The following MAFF variants were observed in gnomAD, a reference collection of about 807,000 sequenced individuals.
MAFF encodes the protein MAF bZIP transcription factor F.
MAFF carries 4 observed loss-of-function variants against 2.7 expected under a neutral mutation model. The ratio of observed to expected loss-of-function variants is 1.48; its 90% CI spans 0.73 to 3.39. The LOEUF (loss-of-function observed/expected upper bound fraction) is 3.39, where lower values mean the gene tolerates loss of function less well. Among genes scored for constraint, MAFF ranks in the 30% most tolerant of loss-of-function variants. The probability of loss-of-function intolerance (pLI) is 0.01; values close to 1 mark genes in which losing one functional copy is unlikely to be tolerated. For missense variants in MAFF, 190 were observed against 246.6 expected, an observed-to-expected ratio of 0.77 and a Z score of 1.54; for synonymous variants, 113 against 119.4, an observed-to-expected ratio of 0.95 and a Z score of 0.35.
chr22:38,206,817 A>G (rs2146012950), intron 1 of MAFF, among the ~76,000 whole-genome samples: 1 of 152,280 alleles, frequency 6.6e-6, no homozygotes, highest in East Asian at 1.9e-4. Context: ...TTGCGTGGGG[A>G]GAGGCTTCCC....
rs2091149425 is a variant in MAFF, at chr22:38,216,269, G to A, written c.*1391G>A. 6.4e-6 allele frequency: 1 copy of A among 155,096 alleles called. No individual in the cohort carries two copies. The highest frequency in any genetic ancestry group is 1.5e-5 in the Non-Finnish European group (1 of 68,076). The allele number at this position is 155,096 out of a possible 1,614,324, so 9.6% of individuals were successfully genotyped here. A position where few individuals can be genotyped will look rare whatever the true frequency, so the allele number is the denominator to read the frequency against. ...TCATGCCTGTAGTCCCAGCTACTTG[G>A]GAGGCTGAGGCAGGAGGATCACTTA... On this transcript the variant is annotated 3_prime_UTR_variant, in exon 3 of 3. Coordinates refer to ENST00000338483, the MANE Select transcript of MAFF (RefSeq NM_012323.4).
At chr22:38,208,863 G>GGAGCCCAT (rs2091074030) in intron 1 of MAFF, among the ~76,000 whole-genome samples, 1 of 152,174 alleles carries the variant, frequency 6.6e-6, no homozygotes, top group Non-Finnish European at 1.5e-5. Flanking sequence ...TCATGGGGTG[G>GGAGCCCAT]GAGGTGGCTC....
intron 1 of MAFF, among the ~76,000 whole-genome samples, chr22:38,210,003 G>C (rs1035411562): frequency 3.3e-5 from 5 of 152,140 alleles, no homozygotes; most frequent in African/African-American, 1.2e-4. Flanking sequence ...GGCAGCCAGG[G>C]CCTGAGCCCC....
intron 1 of MAFF, among the ~76,000 whole-genome samples, chr22:38,210,663 C>CGTGTGTGTGTGTGTGTGTGTGTGTGT (rs1373349618): frequency 2.6e-5 from 1 of 38,038 alleles, no homozygotes; most frequent in Non-Finnish European, 5.9e-5. Context: ...TGTGTGTGTC[C>CGTGTGTGTGTGTGTGTGTGTGTGTGT]GTGTGTGTAT....
Position 38,216,280 on chromosome 22 carries a change from C to G in MAFF, c.*1402C>G, listed in dbSNP as rs2091149495. ...GTCCCAGCTACTTGGGAGGCTGAGGCAGGAGGATCACTTAAGCCCAGAAGG... is the reference window on the plus strand; with the variant it reads ...GTCCCAGCTACTTGGGAGGCTGAGGGAGGAGGATCACTTAAGCCCAGAAGG... On this transcript the variant is annotated 3_prime_UTR_variant, in exon 3 of 3. Transcript: ENST00000338483. 1 of 155,658 alleles carries G rather than the reference C, an allele frequency of 6.4e-6. No homozygotes were observed. Among genetic ancestry groups the G allele is most frequent in the Admixed American group, 6.6e-5 (1 of 15,254 alleles). The allele number at this position is 155,658 out of a possible 1,614,324, so 9.6% of individuals were successfully genotyped here. A position where few individuals can be genotyped will look rare whatever the true frequency, so the allele number is the denominator to read the frequency against.
chr22:38,215,238 C>T lies in MAFF; in HGVS notation c.*360C>T, dbSNP rs915206174. 4.5e-6 allele frequency: 1 copy of T among 221,316 alleles called. No individual in the cohort carries two copies. Among genetic ancestry groups the T allele is most frequent in the African/African-American group, 2.3e-5 (1 of 42,590 alleles). The allele number at this position is 221,316 out of a possible 1,614,324, so 13.7% of individuals were successfully genotyped here. A position where few individuals can be genotyped will look rare whatever the true frequency, so the allele number is the denominator to read the frequency against. ...ACTGCTCTTATTGTGCCAATATGCC[C>T]TCCAAACCCTCCCAGGATTCAAAGC... On this transcript the variant is annotated 3_prime_UTR_variant, in exon 3 of 3. Transcript: ENST00000338483.
rs771500797 is a variant in MAFF at position 38,214,662 on chromosome 22, G to A, written c.279G>A (p.Leu93=). The A allele has an allele frequency of 4.5e-6, 7 of 1,553,626 alleles. No homozygotes were observed. In the African/African-American group the frequency reaches 8.2e-5, roughly 18 times the overall value. ...KSELEREVDK[L]ARENAAMRLE... Reference sequence around the variant, plus strand: ...AGCTGGAGCGCGAGGTGGACAAGCTGGCGCGCGAGAACGCCGCCATGCGCC... The same window carrying A: ...AGCTGGAGCGCGAGGTGGACAAGCTAGCGCGCGAGAACGCCGCCATGCGCC... The change falls in exon 3 of 3, where the codon CTG becomes CTA. Residue 93 remains leucine, a synonymous_variant. Coordinates refer to ENST00000338483, the MANE Select transcript of MAFF (RefSeq NM_012323.4). The surrounding 1 kb of genome is among the most constrained non-coding windows in gnomAD (Gnocchi z 6.3).
At chr22:38,206,126 CTGATGGT>C (rs2091049568) in intron 1 of MAFF, among the ~76,000 whole-genome samples, 3 of 152,186 alleles carry the variant, frequency 2.0e-5, no homozygotes, top group Non-Finnish European at 4.4e-5. Flanking sequence ...TAGGGAATGG[CTGATGGT>C]TCCATCTCTC....
rs887262043 is a variant in MAFF, at chr22:38,215,605, GAGA to G, written c.*730_*732del. The G allele has an allele frequency of 6.0e-6, 1 of 167,504 alleles. No homozygotes were observed. The highest frequency in any genetic ancestry group is 1.5e-5 in the Non-Finnish European group (1 of 68,400). 10.4% of individuals were successfully genotyped at this position (167,504 alleles called of 1,614,324 possible). A position where few individuals can be genotyped will look rare whatever the true frequency, so the allele number is the denominator to read the frequency against. The stretch of plus-strand genomic sequence containing the variant: ...GGAGGGGGAGAGAAGCAGAGGGAGA[GAGA>G]AGGTGACACGGATGGAAGAGTGGGA... On this transcript the variant is annotated 3_prime_UTR_variant, in exon 3 of 3. Transcript: ENST00000338483.
In MAFF at chr22:38,202,039, T is replaced by G. The variant is rs1274277420; in HGVS notation, c.-205T>G. 1 of 152,372 alleles carries G rather than the reference T, an allele frequency of 6.6e-6. No homozygotes were observed. The highest frequency in any genetic ancestry group is 1.5e-5 in the Non-Finnish European group (1 of 68,170). The allele number at this position is 152,372 out of a possible 1,614,324, so 9.4% of individuals were successfully genotyped here. A position where few individuals can be genotyped will look rare whatever the true frequency, so the allele number is the denominator to read the frequency against. On this transcript the variant is annotated 5_prime_UTR_variant, in exon 1 of 3. Coordinates refer to ENST00000338483, the MANE Select transcript of MAFF (RefSeq NM_012323.4). This position sits in a 1 kb window ranked among gnomAD's most constrained non-coding sequence, Gnocchi z 7.4. ...ACAACTCCGCGCGGCCTCGGCCCCCTGCGCCGCCCGCCCCACAACAAAACT... is the reference window on the plus strand; with the variant it reads ...ACAACTCCGCGCGGCCTCGGCCCCCGGCGCCGCCCGCCCCACAACAAAACT...
intron 1 of MAFF, among the ~76,000 whole-genome samples, chr22:38,204,494 T>C (rs776485460): frequency 9.9e-5 from 15 of 152,150 alleles, no homozygotes; most frequent in Non-Finnish European, 1.8e-4. Flanking sequence ...TAGGTGCTTC[T>C]TGGATGTTTG....
chr22:38,213,894 G>A lies in MAFF; in HGVS notation c.36+5G>A, dbSNP rs111261499. 382 of 1,614,192 alleles carry A rather than the reference G, an allele frequency of 2.4e-4. 1 individual carries two copies. In the African/African-American group the frequency reaches 4.0e-3, roughly 17 times the overall value. On this transcript the variant is annotated splice_donor_5th_base_variant and intron_variant, in intron 2 of 2. Coordinates refer to ENST00000338483, the MANE Select transcript of MAFF (RefSeq NM_012323.4). ...CTATCCAGCAAAGCTCTAAAGGTGA[G>A]GAGGCAGCCTCTGTCAACCCAGTGA... is the stretch of plus-strand genomic sequence containing the variant.
intron 1 of MAFF, among the ~76,000 whole-genome samples, chr22:38,210,635 T>TG (rs1320727035): frequency 1.3e-5 from 2 of 150,444 alleles, no homozygotes; most frequent in Non-Finnish European, 3.0e-5. Context: ...TGTGTGTGTG[T>TG]GTGTGTGTGT....
rs1038668375 is a variant in MAFF, at chr22:38,214,363, G to A, written c.37-57G>A. ...AGGCGGTGAAAGAGGAACACCGCGG[G>A]TGGAGCGGGGGGGCCCGTCCCCAGT... On this transcript the variant is annotated intron_variant, in intron 2 of 2. Coordinates refer to ENST00000338483, the MANE Select transcript of MAFF (RefSeq NM_012323.4). The surrounding 1 kb of genome is among the most constrained non-coding windows in gnomAD (Gnocchi z 6.3). 1,036 of 1,470,578 alleles carry A rather than the reference G, an allele frequency of 7.0e-4. 7 individuals are homozygous for A. The highest frequency in any genetic ancestry group is 7.3e-4 in the Non-Finnish European group (801 of 1,103,356). 91.1% of individuals were successfully genotyped at this position (1,470,578 alleles called of 1,614,324 possible). A position where few individuals can be genotyped will look rare whatever the true frequency, so the allele number is the denominator to read the frequency against.
chr22:38,208,924 G>A (rs1165084294), intron 1 of MAFF, among the ~76,000 whole-genome samples: 1 of 152,096 alleles, frequency 6.6e-6, no homozygotes, highest in Admixed American at 6.6e-5. Flanking sequence ...CTGTGTGGCT[G>A]GAGCACAGAG....
chr22:38,214,974 T>C lies in MAFF; in HGVS notation c.*96T>C. On this transcript the variant is annotated 3_prime_UTR_variant, in exon 3 of 3. Transcript: ENST00000338483. The surrounding 1 kb of genome is among the most constrained non-coding windows in gnomAD (Gnocchi z 6.3). The stretch of plus-strand genomic sequence containing the variant: ...CCTCTGTGCCCAGGTCCCATTTCTC[T>C]GCAGCACTGGCCCCTTGGTGCACAC... The C allele has an allele frequency of 1.1e-6, 1 of 909,262 alleles. No homozygotes were observed. Among genetic ancestry groups the C allele is most frequent in the Non-Finnish European group, 1.7e-6 (1 of 580,178 alleles). The allele number at this position is 909,262 out of a possible 1,614,324, so 56.3% of individuals were successfully genotyped here.
rs1237312907 is a variant in MAFF, at chr22:38,214,890, G to A, written c.*12G>A. 5 of 1,462,610 alleles carry A rather than the reference G, an allele frequency of 3.4e-6. No individual in the cohort carries two copies. The highest frequency in any genetic ancestry group is 3.0e-5 in the African/African-American group (2 of 67,356). The allele number at this position is 1,462,610 out of a possible 1,614,324, so 90.6% of individuals were successfully genotyped here. ...CCTCCTGCTCCTAGTGCCCGCCCCC[G>A]CCATGCCTCAGCCACGCCCCTCCGG... On this transcript the variant is annotated 3_prime_UTR_variant, in exon 3 of 3. Coordinates refer to ENST00000338483, the MANE Select transcript of MAFF (RefSeq NM_012323.4). This position sits in a 1 kb window ranked among gnomAD's most constrained non-coding sequence, Gnocchi z 6.3.
chr22:38,215,969 A>C lies in MAFF; in HGVS notation c.*1091A>C, dbSNP rs2091146399. ...AGTTATTCTCCCCAGCCAGAGCCCG[A>C]GCTCCTGCTCCCTGGGAAAAGTGGC... On this transcript the variant is annotated 3_prime_UTR_variant, in exon 3 of 3. Transcript: ENST00000338483. 6.0e-6 allele frequency: 1 copy of C among 167,120 alleles called. No individual in the cohort carries two copies. Among genetic ancestry groups the C allele is most frequent in the Non-Finnish European group, 1.5e-5 (1 of 68,158 alleles). 10.4% of individuals were successfully genotyped at this position (167,120 alleles called of 1,614,324 possible).
chr22:38,208,543 G>A (rs531091606), intron 1 of MAFF, among the ~76,000 whole-genome samples: 4 of 152,162 alleles, frequency 2.6e-5, no homozygotes, highest in African/African-American at 9.7e-5. Context: ...ACTACGTTTC[G>A]GCTTGGAACC....
Sources: allele counts gnomAD v4.1 joint callset (sites outside exome capture counted in the v4.1 genomes callset), GRCh38; gene constraint gnomAD v4.1.1; non-coding constraint Gnocchi (gnomAD v3.1); transcripts MANE v1.5; gene names NCBI Gene and HGNC (gene_info 2026-07-23, HGNC 2026-07-21).